Variants in ANO4 observed in about 807,000 individuals in gnomAD.
The protein encoded by ANO4 is anoctamin 4, also known as anoctamin-4.
In ANO4, 69 loss-of-function variants were observed where a neutral mutation model predicts 141.9. The observed-to-expected ratio is 0.49, with a 90% CI of 0.40 to 0.59. The LOEUF is 0.59. ANO4 is among the 20% of genes least tolerant of loss of function. The pLI, the probability that ANO4 is intolerant of heterozygous loss-of-function variation, is 0.00. For missense variants in ANO4, 894 were observed against 1,162.2 expected, an observed-to-expected ratio of 0.77 and a Z score of 3.36; for synonymous variants, 350 against 394.3, an observed-to-expected ratio of 0.89 and a Z score of 1.33.
At chr12:100,811,313 G>A (rs2035421396) in intron 1 of ANO4, among the ~76,000 whole-genome samples, 1 of 152,128 alleles carries the variant, frequency 6.6e-6, no homozygotes, top group Non-Finnish European at 1.5e-5. Context: ...ATTAGCAAAG[G>A]GTTATAAGAT....
At chr12:100,717,495 C>T, upstream of ANO4, 2 of 398,862 alleles carry the variant, frequency 5.0e-6, no homozygotes, top group East Asian at 3.6e-5. Context: ...TAGCCGACGC[C>T]CTGGCCAGTC....
intron 3 of ANO4, among the ~76,000 whole-genome samples, chr12:100,935,052 C>G (rs2042229097): frequency 6.6e-6 from 1 of 152,186 alleles, no homozygotes; most frequent in Non-Finnish European, 1.5e-5. Flanking sequence ...GACAATGTGA[C>G]TTCCTCATTT....
chr12:101,122,303 G>A lies in ANO4; in HGVS notation c.2676+1678G>A, dbSNP rs968526710. On this transcript the variant is annotated intron_variant, in intron 26 of 27. Transcript: ENST00000392977. ...TCTGGGTATTAGACCTTTATTGGGTGCATAGTTTGCAAATATTTTCTCCCA... is the reference window on the plus strand; with the variant it reads ...TCTGGGTATTAGACCTTTATTGGGTACATAGTTTGCAAATATTTTCTCCCA... 3.3e-5 allele frequency among the ~76,000 whole-genome samples: 5 copies of A among 152,124 alleles called. No homozygotes were observed. The East Asian group carries it at 9.6e-4, about 29-fold the overall frequency.
chr12:100,898,711 A>G (rs2040454860), intron 1 of ANO4, among the ~76,000 whole-genome samples: 1 of 152,238 alleles, frequency 6.6e-6, no homozygotes, highest in South Asian at 2.1e-4. Context: ...AAAGTTATAT[A>G]AAAGCTAAAA....
intron 22 of ANO4, among the ~76,000 whole-genome samples, chr12:101,100,608 G>A (rs561295709): frequency 1.3e-5 from 2 of 152,246 alleles, no homozygotes; most frequent in South Asian, 4.1e-4. Context: ...CTCCCATAAA[G>A]AAGACAATGA....
intron 5 of ANO4, among the ~76,000 whole-genome samples, chr12:100,967,292 C>T (rs867681837): frequency 5.3e-5 from 8 of 152,006 alleles, no homozygotes; most frequent in Admixed American, 2.0e-4. Flanking sequence ...TTTCTTTTCA[C>T]TTTGGCTCTT....
chr12:101,024,816 C>T (rs2046668309), intron 9 of ANO4, among the ~76,000 whole-genome samples: 1 of 152,084 alleles, frequency 6.6e-6, no homozygotes, highest in Non-Finnish European at 1.5e-5. Flanking sequence ...ATTTGGATTT[C>T]AAATGTTTTT....
chr12:101,105,694 GT>G (rs2050412357), intron 22 of ANO4, among the ~76,000 whole-genome samples: 1 of 152,136 alleles, frequency 6.6e-6, no homozygotes, highest in African/African-American at 2.4e-5. Context: ...TATGATTTAC[GT>G]ATAAAAATAG....
chr12:100,756,621 T>C (rs2032624528), intron 3 of ANO4, among the ~76,000 whole-genome samples: 1 of 152,210 alleles, frequency 6.6e-6, no homozygotes, highest in Non-Finnish European at 1.5e-5. Context: ...GTGCTGGGAT[T>C]ACAGGCATGA....
chr12:101,120,472 A>G, intron 25 of ANO4, 48 bp from the exon 26 acceptor site: 1 of 1,498,968 alleles, frequency 6.7e-7, no homozygotes, highest in Non-Finnish European at 9.3e-7. Context: ...AGATTTGAGA[A>G]TCAGAAAAAT....
At chr12:100,958,756 G>A (rs553009750) in intron 5 of ANO4, among the ~76,000 whole-genome samples, 167 of 152,214 alleles carry the variant, frequency 1.1e-3, no homozygotes, top group Non-Finnish European at 2.0e-3. Context: ...GCTGAGGCAG[G>A]AGGATTACTT....
intron 8 of ANO4, among the ~76,000 whole-genome samples, chr12:101,005,182 T>C (rs2045821618): frequency 6.6e-6 from 1 of 152,194 alleles, no homozygotes; most frequent in Non-Finnish European, 1.5e-5. Context: ...AACCTTACTA[T>C]TGACTGAATT....
chr12:100,719,838 C>T (rs899574048), intron 1 of ANO4, among the ~76,000 whole-genome samples: 8 of 152,170 alleles, frequency 5.3e-5, no homozygotes, highest in Non-Finnish European at 8.8e-5. Context: ...TGAGCTTGCT[C>T]TTTCCGCATT....
At chr12:100,817,435 A>G (rs1354617122) in intron 1 of ANO4, among the ~76,000 whole-genome samples, 1 of 151,762 alleles carries the variant, frequency 6.6e-6, no homozygotes, top group African/African-American at 2.4e-5. Flanking sequence ...AATTGAGGAG[A>G]TTCAAAGCAG....
intron 14 of ANO4, among the ~76,000 whole-genome samples, chr12:101,058,587 A>G (rs2048223297): frequency 6.6e-6 from 1 of 151,970 alleles, no homozygotes; most frequent in Non-Finnish European, 1.5e-5. Context: ...CATCCCTTGT[A>G]AGTTGTATTC....
At chr12:101,047,144 G>C (rs1401732676) in intron 13 of ANO4, among the ~76,000 whole-genome samples, 1 of 152,164 alleles carries the variant, frequency 6.6e-6, no homozygotes, top group African/African-American at 2.4e-5. Context: ...AGCTACTTGG[G>C]AGGCTGAGAC....
At position 100,902,102 on chromosome 12, in the gene ANO4, A is replaced by T. The variant is rs149094631; in HGVS notation, c.55+262A>T. On this transcript the variant is annotated intron_variant, in intron 2 of 27. Coordinates refer to ENST00000392977, the MANE Select transcript of ANO4 (RefSeq NM_001286615.2). Reference sequence around the variant, plus strand: ...TCTAAATGAAAATCAGAGTGCATAAACTCTTGCTCAGTTCAGGAAAGCTCA... The same window carrying T: ...TCTAAATGAAAATCAGAGTGCATAATCTCTTGCTCAGTTCAGGAAAGCTCA... Among the ~76,000 whole-genome samples the T allele has an allele frequency of 3.5e-3, 540 of 152,222 alleles. 5 individuals are homozygous for T. Among genetic ancestry groups the T allele is most frequent in the African/African-American group, 0.013 (521 of 41,514 alleles).
intron 18 of ANO4, 56 bp from the exon 19 acceptor site, chr12:101,096,480 G>C: frequency 7.4e-7 from 1 of 1,344,668 alleles, no homozygotes. Context: ...GAAAGAGAGG[G>C]AGTTGAGAGG....
At chr12:100,993,282 A>C (rs1446815739) in intron 8 of ANO4, among the ~76,000 whole-genome samples, 1 of 152,210 alleles carries the variant, frequency 6.6e-6, no homozygotes. Context: ...GTGGGTGTAC[A>C]AGTCAACATA....
Sources: gnomAD v4.1 joint callset for allele counts (sites outside exome capture counted in the v4.1 genomes callset) on GRCh38, gnomAD v4.1.1 for gene constraint, MANE v1.5 for transcripts, NCBI Gene and HGNC (gene_info 2026-07-23, HGNC 2026-07-21) for gene names.